The following RC3H2 variants were observed in gnomAD, a reference collection of about 807,000 sequenced individuals.
RC3H2 encodes ring finger and CCCH-type domains 2.
A neutral mutation model predicts 133.3 loss-of-function variants in RC3H2; 31 were observed. The ratio of observed to expected loss-of-function variants is 0.23; its 90% CI spans 0.17 to 0.31. RC3H2 has a LOEUF of 0.31. RC3H2 is among the 10% of genes least tolerant of loss of function. The probability of loss-of-function intolerance (pLI) is 1.00; values close to 1 mark genes in which losing one functional copy is unlikely to be tolerated. For synonymous variants in RC3H2, 517 were observed against 502.2 expected (o/e 1.03, Z -0.40); for missense variants, 1,175 against 1,437.2 (o/e 0.82, Z 2.95).
At chr9:122,863,103 C>A (rs1029585834) in intron 10 of RC3H2, among the ~76,000 whole-genome samples, 5 of 152,118 alleles carry the variant, frequency 3.3e-5, no homozygotes, top group Admixed American at 2.6e-4. Context: ...CAGCCCTAAA[C>A]CCCTAGAAAC....
At chr9:122,857,177 T>C (rs1830281176) in intron 13 of RC3H2, among the ~76,000 whole-genome samples, 1 of 152,232 alleles carries the variant, frequency 6.6e-6, no homozygotes, top group Non-Finnish European at 1.5e-5. Flanking sequence ...TTATTCTCTC[T>C]ATACTTGTAT....
rs372403171 is a variant in RC3H2, at chr9:122,897,529, G to C, written c.-20C>G. On this transcript the variant is annotated 5_prime_UTR_variant, in exon 2 of 21. Coordinates refer to ENST00000357244, the MANE Select transcript of RC3H2 (RefSeq NM_001100588.3). ...AGGCATTGTGGAAGCTGGATGCTCG[G>C]GTTAGCAGTCTAGCAGATCATTATT... 9 of 1,605,886 alleles carry C rather than the reference G, an allele frequency of 5.6e-6. No individual in the cohort carries two copies. The highest frequency in any genetic ancestry group is 7.7e-6 in the Non-Finnish European group (9 of 1,174,826).
chr9:122,890,707 T>C (rs968237700), intron 3 of RC3H2, among the ~76,000 whole-genome samples, 162 bp from the exon 4 acceptor site: 34 of 147,048 alleles, frequency 2.3e-4, no homozygotes, highest in African/African-American at 8.7e-4. Context: ...GTTATTATTC[T>C]ATAGTAATAA....
chr9:122,902,671 G>A (rs1379454106), intron 1 of RC3H2, among the ~76,000 whole-genome samples: 1 of 151,892 alleles, frequency 6.6e-6, no homozygotes, highest in Non-Finnish European at 1.5e-5. Flanking sequence ...GGTCAACATG[G>A]CAAAACCCCA....
At position 122,875,284 on chromosome 9, in the gene RC3H2, CT is replaced by C. The variant is rs1385640590; in HGVS notation, c.1325+2186del. 20 of 1,550,574 alleles carry C rather than the reference CT, an allele frequency of 1.3e-5. No individual in the cohort carries two copies. In the Admixed American group the frequency reaches 2.9e-4, roughly 23 times the overall value. ...TCTTCTCTCTATCACAATGCTGCTG[CT>C]TGTAGAGCTCATTATGTACAGTGCC... On this transcript the variant is annotated intron_variant, in intron 9 of 20. Coordinates refer to ENST00000357244, the MANE Select transcript of RC3H2 (RefSeq NM_001100588.3).
intron 9 of RC3H2, among the ~76,000 whole-genome samples, chr9:122,868,228 C>T (rs573058985): frequency 1.3e-5 from 2 of 152,280 alleles, no homozygotes; most frequent in South Asian, 2.1e-4. Flanking sequence ...GCCACCACCC[C>T]GTCTGGGAGG....
intron 6 of RC3H2, 97 bp from the exon 7 acceptor site, chr9:122,880,222 A>G: frequency 1.5e-6 from 2 of 1,348,090 alleles, no homozygotes; most frequent in Non-Finnish European, 2.1e-6. Flanking sequence ...TACGTTTTCA[A>G]GTGTCTTCAG....
At chr9:122,866,526 T>C (rs1454198091) in intron 9 of RC3H2, among the ~76,000 whole-genome samples, 1 of 151,758 alleles carries the variant, frequency 6.6e-6, no homozygotes, top group Non-Finnish European at 1.5e-5. Context: ...TGCCTCAGCC[T>C]GCGGAGTGCC....
At position 122,849,825 on chromosome 9, in the gene RC3H2, G is replaced by A; in HGVS notation, c.3381-3C>T. On this transcript the variant is annotated splice_polypyrimidine_tract_variant and splice_region_variant and intron_variant, in intron 20 of 20. Coordinates refer to ENST00000357244, the MANE Select transcript of RC3H2 (RefSeq NM_001100588.3). ...GCAGAATTGTTTTTTGCTCCTCCCT[G>A]AGAAAAAAGAAATGACATTAAAAAC... 1 of 1,553,314 alleles carries A rather than the reference G, an allele frequency of 6.4e-7. No individual in the cohort carries two copies. The highest frequency in any genetic ancestry group is 8.7e-7 in the Non-Finnish European group (1 of 1,154,056).
intron 11 of RC3H2, 99 bp downstream of exon 11, chr9:122,859,818 G>T: frequency 9.8e-7 from 1 of 1,019,458 alleles, no homozygotes; most frequent in Non-Finnish European, 1.5e-6. Context: ...TAGTCAAAAG[G>T]ATTAATTTTT....
chr9:122,867,905 C>A (rs1254692454), intron 9 of RC3H2, among the ~76,000 whole-genome samples: 15 of 30,498 alleles, frequency 4.9e-4, no homozygotes, highest in Non-Finnish European at 9.2e-4. Context: ...GGGGGTCAGC[C>A]CCCCGCCCAG....
intron 4 of RC3H2, among the ~76,000 whole-genome samples, chr9:122,889,893 G>A (rs1361809581): frequency 6.6e-6 from 1 of 152,158 alleles, no homozygotes; most frequent in African/African-American, 2.4e-5. Flanking sequence ...TGTAATCCTA[G>A]AACTTTGGGA....
At chr9:122,856,391 T>G (rs1830248470) in intron 13 of RC3H2, among the ~76,000 whole-genome samples, 1 of 152,222 alleles carries the variant, frequency 6.6e-6, no homozygotes, top group Admixed American at 6.5e-5. Flanking sequence ...TAGCTGGGAC[T>G]ATAGGCACAC....
chr9:122,881,329 A>T (rs1218487695), intron 5 of RC3H2, among the ~76,000 whole-genome samples: 1 of 152,028 alleles, frequency 6.6e-6, no homozygotes, highest in Non-Finnish European at 1.5e-5. Context: ...TCAAGAAAAA[A>T]TACAAAAACT....
rs535013631 is a variant in RC3H2 at position 122,867,429 on chromosome 9, G to A, written c.1326-1772C>T. Among the ~76,000 whole-genome samples, 8 of 145,622 alleles carry A rather than the reference G, an allele frequency of 5.5e-5. 1 individual carries two copies. Among genetic ancestry groups the A allele is most frequent in the South Asian group, 4.4e-4 (2 of 4,594 alleles). On this transcript the variant is annotated intron_variant, in intron 9 of 20. Transcript: ENST00000357244. ...AGGTTGGGGGGTCAGCACCCCGCCCGGCCAGCCACCCCGTCCAGGAGGGAG... is the reference window on the plus strand; with the variant it reads ...AGGTTGGGGGGTCAGCACCCCGCCCAGCCAGCCACCCCGTCCAGGAGGGAG...
At chr9:122,859,310 G>T (rs577414870) in intron 11 of RC3H2, among the ~76,000 whole-genome samples, 1 of 133,970 alleles carries the variant, frequency 7.5e-6, no homozygotes, top group South Asian at 2.3e-4. Context: ...GCCCAGGCTG[G>T]TCGCAAACTC....
chr9:122,883,268 G>A lies in RC3H2; in HGVS notation c.695C>T (p.Pro232Leu), dbSNP rs1831731217. ...ACCAATACTTGTTTTTGATGCCTGA[G>A]GAAATCTTGGTTCTAGTCTCTGCAC... ...FVVQRLEPRF[P>L]QASKTSIGHV... The change falls in exon 5 of 21, where the codon CCT becomes CTT. Residue 232 changes from proline to leucine, a missense_variant. Around this residue, in one of 8 missense-constraint regions of RC3H2, gnomAD observed 121 missense variants for 243.5 expected, o/e 0.50. Transcript: ENST00000357244. 1 of 1,613,440 alleles carries A rather than the reference G, an allele frequency of 6.2e-7. No individual in the cohort carries two copies. The highest frequency in any genetic ancestry group is 8.5e-7 in the Non-Finnish European group (1 of 1,179,846).
chr9:122,899,090 G>GT (rs1183512993), intron 1 of RC3H2, among the ~76,000 whole-genome samples: 7 of 88,388 alleles, frequency 7.9e-5, no homozygotes, highest in South Asian at 3.4e-4. Context: ...CCTTTATTGT[G>GT]TTTTTTTTTT....
At chr9:122,882,010 G>A (rs753143428) in intron 5 of RC3H2, among the ~76,000 whole-genome samples, 1 of 152,014 alleles carries the variant, frequency 6.6e-6, no homozygotes, top group East Asian at 1.9e-4. Flanking sequence ...GATGGCCTAC[G>A]CCCAGGAGTT....
Sources: allele counts gnomAD v4.1 joint callset (sites outside exome capture counted in the v4.1 genomes callset), GRCh38; gene constraint gnomAD v4.1.1; regional missense constraint gnomAD v4.1.1; transcripts MANE v1.5; gene names NCBI Gene and HGNC (gene_info 2026-07-23, HGNC 2026-07-21).